Variants in MGAT4C observed in about 807,000 individuals in gnomAD.
MGAT4C encodes the protein MGAT4 family member C.
MGAT4C carries 19 observed loss-of-function variants against 40.1 expected under a neutral mutation model. The ratio of observed to expected loss-of-function variants is 0.47; its 90% CI spans 0.33 to 0.70. The LOEUF (loss-of-function observed/expected upper bound fraction) is 0.70, where lower values mean the gene tolerates loss of function less well. Ranked by LOEUF, MGAT4C falls within the 30% of genes least tolerant of loss-of-function variation. The pLI is 0.02. For missense variants in MGAT4C, 491 were observed against 563.2 expected (o/e 0.87, Z 1.30); for synonymous variants, 181 against 187.1 (o/e 0.97, Z 0.27).
intron 2 of MGAT4C, among the ~76,000 whole-genome samples, chr12:86,508,946 A>G (rs10745417): frequency 0.74 from 112,129 of 150,546 alleles, 43,190 homozygotes; most frequent in South Asian, 0.85. Context: ...TTCATTGTAG[A>G]TTCTGGATAT....
chr12:86,066,845 A>G (rs1457858990), intron 1 of MGAT4C, among the ~76,000 whole-genome samples: 1 of 152,194 alleles, frequency 6.6e-6, no homozygotes, highest in Non-Finnish European at 1.5e-5. Context: ...ATCAACAAAG[A>G]ACTTCAACAA....
At chr12:86,229,850 G>A (rs941893853) in intron 1 of MGAT4C, among the ~76,000 whole-genome samples, 5 of 151,998 alleles carry the variant, frequency 3.3e-5, no homozygotes, top group African/African-American at 1.2e-4. Context: ...GCAAAGCACA[G>A]TGTTAAAAAA....
At chr12:86,792,237 G>C (rs1231574817) in intron 1 of MGAT4C, among the ~76,000 whole-genome samples, 3 of 152,082 alleles carry the variant, frequency 2.0e-5, no homozygotes, top group Non-Finnish European at 4.4e-5. Context: ...CTAAAAGATA[G>C]TTTTGAATTG....
chr12:86,349,430 A>G (rs1208303703), intron 3 of MGAT4C, among the ~76,000 whole-genome samples: 1 of 152,174 alleles, frequency 6.6e-6, no homozygotes, highest in Non-Finnish European at 1.5e-5. Context: ...CATTGTTTAC[A>G]GAGTCCTCTT....
intron 2 of MGAT4C, among the ~76,000 whole-genome samples, chr12:86,602,005 A>C (rs1408151017): frequency 6.6e-6 from 1 of 152,162 alleles, no homozygotes; most frequent in Admixed American, 6.5e-5. Context: ...TGGCGCCTGC[A>C]GCGGAAGCCG....
intron 4 of MGAT4C, among the ~76,000 whole-genome samples, chr12:86,316,842 TA>T (rs1338555169): frequency 1.3e-5 from 2 of 152,252 alleles, no homozygotes; most frequent in East Asian, 3.9e-4. Flanking sequence ...CAAGCCTGCC[TA>T]CGTACCACTC....
intron 1 of MGAT4C, among the ~76,000 whole-genome samples, chr12:86,764,073 C>A (rs560229345): frequency 6.6e-6 from 1 of 152,190 alleles, no homozygotes; most frequent in African/African-American, 2.4e-5. Flanking sequence ...TGCCTCACTC[C>A]AGAAGCGCAA....
At chr12:86,742,176 C>A (rs935277892) in intron 1 of MGAT4C, among the ~76,000 whole-genome samples, 10 of 151,322 alleles carry the variant, frequency 6.6e-5, no homozygotes, top group African/African-American at 2.4e-4. Flanking sequence ...CTCCCTGATA[C>A]AAGTTTCTGA....
At chr12:86,622,526 C>T (rs1962672009) in intron 2 of MGAT4C, among the ~76,000 whole-genome samples, 1 of 151,986 alleles carries the variant, frequency 6.6e-6, no homozygotes. Flanking sequence ...GAGGGAGCAC[C>T]AGGTAAAACA....
At chr12:86,621,971 C>T (rs1038588150) in intron 2 of MGAT4C, among the ~76,000 whole-genome samples, 15 of 152,122 alleles carry the variant, frequency 9.9e-5, no homozygotes, top group African/African-American at 3.6e-4. Context: ...TAAAGGTAAA[C>T]AACTAATACT....
At chr12:86,257,220 G>T (rs1224062866), upstream of MGAT4C, among the ~76,000 whole-genome samples, 1 of 152,160 alleles carries the variant, frequency 6.6e-6, no homozygotes, top group African/African-American at 2.4e-5. Context: ...AAAAGCCCCA[G>T]ATTTCTCCCC....
Position 86,702,061 on chromosome 12 carries a change from C to T in MGAT4C, c.-229+25148G>A, listed in dbSNP as rs751124188. On this transcript the variant is annotated intron_variant, in intron 2 of 7. Transcript: ENST00000548651. ...TCTCTCAAATAAGGTCTTTCTCTTT[C>T]GCACAGGGAAGAGTACAGTGGCATG... is the stretch of plus-strand genomic sequence containing the variant. Among the ~76,000 whole-genome samples the T allele has an allele frequency of 1.6e-4, 25 of 152,068 alleles. 1 individual carries two copies. Among genetic ancestry groups the T allele is most frequent in the African/African-American group, 4.3e-4 (18 of 41,412 alleles).
chr12:86,689,390 G>A (rs564055902), intron 2 of MGAT4C, among the ~76,000 whole-genome samples: 3 of 152,114 alleles, frequency 2.0e-5, no homozygotes, highest in South Asian at 2.1e-4. Flanking sequence ...CCTGGCTGGC[G>A]AAGAGTTGTG....
chr12:86,783,387 A>T (rs866213432), intron 1 of MGAT4C, among the ~76,000 whole-genome samples: 19 of 151,790 alleles, frequency 1.3e-4, no homozygotes, highest in Admixed American at 3.3e-4. Context: ...CATTTCAATT[A>T]TCTCTCACAA....
At chr12:86,614,628 T>C (rs927612738) in intron 2 of MGAT4C, among the ~76,000 whole-genome samples, 6 of 151,220 alleles carry the variant, frequency 4.0e-5, no homozygotes, top group African/African-American at 1.5e-4. Flanking sequence ...ACAAGTGAAG[T>C]TAAACAATAT....
chr12:86,747,710 T>A (rs1168649175), intron 1 of MGAT4C, among the ~76,000 whole-genome samples: 1 of 151,582 alleles, frequency 6.6e-6, no homozygotes, highest in Non-Finnish European at 1.5e-5. Context: ...TGTCTTTCGC[T>A]GTCTAAAGTA....
chr12:86,710,630 A>T (rs1274356309), intron 2 of MGAT4C, among the ~76,000 whole-genome samples: 1 of 152,130 alleles, frequency 6.6e-6, no homozygotes, highest in African/African-American at 2.4e-5. Flanking sequence ...CAATATGGAG[A>T]TTCCTTAAAG....
At chr12:86,335,547 T>TC (rs1954766677) in intron 3 of MGAT4C, among the ~76,000 whole-genome samples, 1 of 152,068 alleles carries the variant, frequency 6.6e-6, no homozygotes, top group South Asian at 2.1e-4. Context: ...TCCAGGAACC[T>TC]CACAGATACC....
At chr12:86,188,927 C>G (rs1043543880) in intron 1 of MGAT4C, among the ~76,000 whole-genome samples, 21 of 151,646 alleles carry the variant, frequency 1.4e-4, no homozygotes, top group Non-Finnish European at 1.0e-4. Context: ...ATAAATAATG[C>G]CTTTAAGTCA....
Sources: allele counts gnomAD v4.1 joint callset (sites outside exome capture counted in the v4.1 genomes callset), GRCh38; gene constraint gnomAD v4.1.1; transcripts MANE v1.5; gene names NCBI Gene and HGNC (gene_info 2026-07-23, HGNC 2026-07-21).